The following DORIP1 variants were observed in gnomAD, a reference collection of about 807,000 sequenced individuals.
The protein encoded by DORIP1 is dopamine receptor-interacting protein 1.
chr14:44,899,291 A>T, the DORIP1 span: 2 of 152,190 alleles, frequency 1.3e-5, no homozygotes, highest in African/African-American at 4.8e-5. Context: ...CCAGTTTGAA[A>T]AGGGAGGATG....
the DORIP1 span, chr14:44,903,173 A>T: frequency 2.1e-6 from 3 of 1,431,118 alleles, no homozygotes; most frequent in Non-Finnish European, 3.0e-6. Flanking sequence ...AAAATGTTGA[A>T]GCAGTTCTTA....
At chr14:44,900,993 A>G in the DORIP1 span, 1 of 1,528,964 alleles carries the variant, frequency 6.5e-7, no homozygotes, top group Middle Eastern at 1.8e-4. Flanking sequence ...TGTCACTTTT[A>G]CTTTTTTTAA....
chr14:44,899,824 A>ATTTTTTTTTTT, the DORIP1 span, among the ~76,000 whole-genome samples: 1 of 115,274 alleles, frequency 8.7e-6, no homozygotes, highest in Non-Finnish European at 1.7e-5. Flanking sequence ...TCATTTAGGA[A>ATTTTTTTTTTT]TTTTTTTTTT....
At chr14:44,898,110 C>A in the DORIP1 span, among the ~76,000 whole-genome samples, 1 of 152,136 alleles carries the variant, frequency 6.6e-6, no homozygotes, top group Admixed American at 6.5e-5. Context: ...CCCGTAGAGC[C>A]TGGAGAATAA....
chr14:44,899,551 T>A, the DORIP1 span, among the ~76,000 whole-genome samples: 1 of 152,048 alleles, frequency 6.6e-6, no homozygotes, highest in African/African-American at 2.4e-5. Flanking sequence ...AGAATTAGTC[T>A]TAGTCTATAT....
At chr14:44,902,867 G>C in the DORIP1 span, among the ~76,000 whole-genome samples, 1 of 152,036 alleles carries the variant, frequency 6.6e-6, no homozygotes, top group African/African-American at 2.4e-5. Context: ...CATTTAATCA[G>C]GTAACTAATC....
the DORIP1 span, chr14:44,903,225 A>G: frequency 1.9e-6 from 3 of 1,612,524 alleles, no homozygotes; most frequent in South Asian, 3.3e-5. Flanking sequence ...AAGAAATTCC[A>G]CATGGAAACT....
the DORIP1 span, among the ~76,000 whole-genome samples, chr14:44,898,021 G>T: frequency 1.3e-5 from 2 of 152,182 alleles, no homozygotes; most frequent in East Asian, 3.8e-4. Flanking sequence ...TCCTCCCTTG[G>T]AAGTCACCAC....
chr14:44,906,477 A>C, the DORIP1 span: 1 of 152,382 alleles, frequency 6.6e-6, no homozygotes, highest in Admixed American at 6.6e-5. Flanking sequence ...GAATACTTAA[A>C]ATTTTGAGTG....
the DORIP1 span, chr14:44,900,841 C>A: frequency 6.2e-7 from 1 of 1,614,018 alleles, no homozygotes; most frequent in African/African-American, 1.3e-5. Context: ...TGGGAATGAG[C>A]ATGATAATTT....
At chr14:44,904,100 T>G in the DORIP1 span, 10 of 985,356 alleles carry the variant, frequency 1.0e-5, no homozygotes, top group Non-Finnish European at 1.2e-5. Flanking sequence ...GAGTGAAATA[T>G]AAAAGCGTTT....
chr14:44,901,569 T>A, the DORIP1 span, among the ~76,000 whole-genome samples: 1 of 152,250 alleles, frequency 6.6e-6, no homozygotes, highest in Non-Finnish European at 1.5e-5. Flanking sequence ...TACTTGAATT[T>A]ACTAATATGA....
At chr14:44,903,595 C>G in the DORIP1 span, 1 of 1,026,490 alleles carries the variant, frequency 9.7e-7, no homozygotes, top group Non-Finnish European at 1.2e-6. Context: ...TTTCTGCACT[C>G]TCCATTTAGG....
chr14:44,906,760 A>G, the DORIP1 span: 1 of 152,606 alleles, frequency 6.6e-6, no homozygotes, highest in Non-Finnish European at 1.5e-5. Context: ...CCTACATGAC[A>G]GCACAGATCA....
At chr14:44,898,583 A>G in the DORIP1 span, among the ~76,000 whole-genome samples, 1 of 152,236 alleles carries the variant, frequency 6.6e-6, no homozygotes, top group Non-Finnish European at 1.5e-5. Context: ...TCGTTTTTAA[A>G]GTATTTGAAT....
the DORIP1 span, among the ~76,000 whole-genome samples, chr14:44,899,649 A>G: frequency 4.6e-5 from 7 of 151,950 alleles, no homozygotes; most frequent in African/African-American, 1.5e-4. Context: ...TGTAATGGCT[A>G]TTATTCTGTA....
At chr14:44,905,207 C>G in the DORIP1 span, 1 of 440,428 alleles carries the variant, frequency 2.3e-6, no homozygotes, top group Non-Finnish European at 3.9e-6. Context: ...TTAATTTCCA[C>G]ATTTCCAATT....
the DORIP1 span, chr14:44,905,272 A>T: frequency 3.7e-6 from 3 of 801,100 alleles, no homozygotes; most frequent in Non-Finnish European, 5.6e-6. Flanking sequence ...AATACAAACA[A>T]TGTCAATGTT....
chr14:44,900,135 ATTTT>A, the DORIP1 span, among the ~76,000 whole-genome samples: 1 of 151,888 alleles, frequency 6.6e-6, no homozygotes, highest in Non-Finnish European at 1.5e-5. Context: ...CAGCCTCAGG[ATTTT>A]TTTTATTACA....
Sources: allele counts gnomAD v4.1 joint callset (sites outside exome capture counted in the v4.1 genomes callset), GRCh38; gene constraint gnomAD v4.1.1; transcripts MANE v1.5; gene names NCBI Gene and HGNC (gene_info 2026-07-23, HGNC 2026-07-21).